The following IGSF21 variants were observed in gnomAD, a reference collection of about 807,000 sequenced individuals.
IGSF21 encodes the protein immunoglobulin superfamily member 21.
A neutral mutation model predicts 46.8 loss-of-function variants in IGSF21; 28 were observed. The observed-to-expected ratio is 0.60, with a 90% CI of 0.44 to 0.82. IGSF21 has a LOEUF of 0.82. Among genes scored for constraint, IGSF21 ranks in the 40% least tolerant of loss-of-function variants. The probability of loss-of-function intolerance (pLI) is 0.00; values close to 1 mark genes in which losing one functional copy is unlikely to be tolerated. For synonymous variants in IGSF21, 284 were observed against 273.6 expected (o/e 1.04, Z -0.38); for missense variants, 624 against 665.5 (o/e 0.94, Z 0.69).
intron 2 of IGSF21, among the ~76,000 whole-genome samples, chr1:18,261,286 GAGA>G (rs1247116461): frequency 6.6e-6 from 1 of 152,222 alleles, no homozygotes; most frequent in African/African-American, 2.4e-5. Context: ...AGAGGAGACA[GAGA>G]AGAAAAGCCA....
chr1:18,146,495 C>T (rs1021838077), intron 1 of IGSF21, among the ~76,000 whole-genome samples: 3 of 152,166 alleles, frequency 2.0e-5, no homozygotes, highest in Admixed American at 6.5e-5. Flanking sequence ...GGGATCACTG[C>T]TCCAACGCAG....
intron 1 of IGSF21, among the ~76,000 whole-genome samples, chr1:18,161,661 T>C (rs1406214025): frequency 6.6e-6 from 1 of 152,228 alleles, no homozygotes. Context: ...AGGAAAACTA[T>C]GAAACGGGGT....
At position 18,334,744 on chromosome 1, in the gene IGSF21, A is replaced by C; in HGVS notation, c.306-148A>C. The C allele has an allele frequency of 1.5e-6, 1 of 680,912 alleles. No homozygotes were observed. The highest frequency in any genetic ancestry group is 4.1e-4 in the Middle Eastern group (1 of 2,432). The allele number at this position is 680,912 out of a possible 1,614,324, so 42.2% of individuals were successfully genotyped here. A position where few individuals can be genotyped will look rare whatever the true frequency, so the allele number is the denominator to read the frequency against. Reference sequence around the variant, plus strand: ...AGGGTCTGCATACAGTCGGTGTTCCATAAATGCTCCCCTCCTCCCAGCCCA... The same window carrying C: ...AGGGTCTGCATACAGTCGGTGTTCCCTAAATGCTCCCCTCCTCCCAGCCCA... On this transcript the variant is annotated intron_variant, in intron 3 of 9. Coordinates refer to ENST00000251296, the MANE Select transcript of IGSF21 (RefSeq NM_032880.5). The surrounding 1 kb of genome is among the most constrained non-coding windows in gnomAD (Gnocchi z 4.3).
intron 2 of IGSF21, among the ~76,000 whole-genome samples, chr1:18,254,406 C>T (rs1335851383): frequency 6.6e-6 from 1 of 152,064 alleles, no homozygotes; most frequent in Non-Finnish European, 1.5e-5. Flanking sequence ...CTAGCTCCAT[C>T]CACACATTCA....
intron 3 of IGSF21, among the ~76,000 whole-genome samples, chr1:18,298,487 G>A (rs188556825): frequency 5.3e-5 from 8 of 152,222 alleles, no homozygotes; most frequent in Non-Finnish European, 1.2e-4. Flanking sequence ...CACATGCTGT[G>A]TCTTCCATTT....
chr1:18,362,615 G>T (rs1428991041), intron 5 of IGSF21, among the ~76,000 whole-genome samples: 1 of 152,158 alleles, frequency 6.6e-6, no homozygotes, highest in East Asian at 1.9e-4. Context: ...ACTCCTGACA[G>T]AGCTGGGTCT....
rs144286955 is a variant in IGSF21, at chr1:18,275,680, C to A, written c.184-16186C>A. Among the ~76,000 whole-genome samples the A allele has an allele frequency of 5.7e-3, 871 of 152,292 alleles. 4 individuals are homozygous for A. The highest frequency in any genetic ancestry group is 0.016 in the African/African-American group (664 of 41,560). ...TTCCATGCTAGGTGTCCGCTCAACC[C>A]CAACCCCTTAGATTCCTGGACTAAA... On this transcript the variant is annotated intron_variant, in intron 2 of 9. Transcript: ENST00000251296.
At chr1:18,283,339 G>A (rs1294449184) in intron 2 of IGSF21, among the ~76,000 whole-genome samples, 4 of 152,212 alleles carry the variant, frequency 2.6e-5, no homozygotes, top group African/African-American at 9.7e-5. Flanking sequence ...CCAGAGAGGT[G>A]AGTGGCACCT....
chr1:18,351,385 G>C (rs751155256), intron 4 of IGSF21, among the ~76,000 whole-genome samples: 1 of 152,172 alleles, frequency 6.6e-6, no homozygotes, highest in Non-Finnish European at 1.5e-5. Context: ...CTGTGACCTC[G>C]AGCCAGGTTT....
At chr1:18,201,760 C>T (rs1043108311) in intron 1 of IGSF21, among the ~76,000 whole-genome samples, 8 of 152,122 alleles carry the variant, frequency 5.3e-5, no homozygotes, top group Admixed American at 1.3e-4. Context: ...CATCCCATGC[C>T]GAAGATTTTG....
intron 2 of IGSF21, among the ~76,000 whole-genome samples, chr1:18,287,216 TAAATAA>T (rs747351381): frequency 0.01 from 1,450 of 139,006 alleles, 14 homozygotes; most frequent in Non-Finnish European, 0.017. Context: ...TAAATAAAAA[TAAATAA>T]AAATAAAAAT....
Position 18,365,108 on chromosome 1 carries a change from A to G in IGSF21, c.541-115A>G. Reference sequence around the variant, plus strand: ...AAGAGTGGGGTGAGGGCTACTGTCTAGACTACTATGCTCTGGAAGAACTGG... The same window carrying G: ...AAGAGTGGGGTGAGGGCTACTGTCTGGACTACTATGCTCTGGAAGAACTGG... On this transcript the variant is annotated intron_variant, in intron 5 of 9. Coordinates refer to ENST00000251296, the MANE Select transcript of IGSF21 (RefSeq NM_032880.5). The surrounding 1 kb of genome is among the most constrained non-coding windows in gnomAD (Gnocchi z 4.8). 1.3e-6 allele frequency: 1 copy of G among 774,384 alleles called. No homozygotes were observed. The highest frequency in any genetic ancestry group is 2.2e-6 in the Non-Finnish European group (1 of 461,368). 48.0% of individuals were successfully genotyped at this position (774,384 alleles called of 1,614,324 possible).
At chr1:18,356,110 C>G (rs149375503) in intron 4 of IGSF21, among the ~76,000 whole-genome samples, 1 of 152,196 alleles carries the variant, frequency 6.6e-6, no homozygotes. Flanking sequence ...CCTGGGATTA[C>G]GGGCATCAGC....
At chr1:18,127,835 G>C (rs899144008) in intron 1 of IGSF21, among the ~76,000 whole-genome samples, 1 of 152,128 alleles carries the variant, frequency 6.6e-6, no homozygotes, top group Non-Finnish European at 1.5e-5. Context: ...CTTGAACCCG[G>C]GAAGTCGAGG....
chr1:18,158,049 T>C (rs2086583728), intron 1 of IGSF21, among the ~76,000 whole-genome samples: 1 of 152,080 alleles, frequency 6.6e-6, no homozygotes, highest in South Asian at 2.1e-4. Flanking sequence ...ACTATGAAGG[T>C]CATATCTCCC....
chr1:18,340,690 T>G (rs1429860449), intron 4 of IGSF21, among the ~76,000 whole-genome samples: 1 of 152,162 alleles, frequency 6.6e-6, no homozygotes, highest in Non-Finnish European at 1.5e-5. Context: ...AATCAAGGTG[T>G]CAGTAGGGCC....
At chr1:18,229,809 A>G (rs1186352298) in intron 2 of IGSF21, among the ~76,000 whole-genome samples, 1 of 152,244 alleles carries the variant, frequency 6.6e-6, no homozygotes, top group Non-Finnish European at 1.5e-5. Flanking sequence ...GGCTGGGAGC[A>G]TCTCATTAGC....
At chr1:18,372,573 G>A (rs897718916) in intron 6 of IGSF21, among the ~76,000 whole-genome samples, 1 of 148,830 alleles carries the variant, frequency 6.7e-6, no homozygotes, top group African/African-American at 2.5e-5. Flanking sequence ...TGGATGGATG[G>A]ATATTTGGAT....
At chr1:18,339,688 G>T (rs2085808369) in intron 4 of IGSF21, among the ~76,000 whole-genome samples, 1 of 152,232 alleles carries the variant, frequency 6.6e-6, no homozygotes, top group Non-Finnish European at 1.5e-5. Context: ...TCACGCCACT[G>T]CTTTCTAGCC....
Sources: gnomAD v4.1 joint callset for allele counts (sites outside exome capture counted in the v4.1 genomes callset) on GRCh38, gnomAD v4.1.1 for gene constraint, Gnocchi (gnomAD v3.1) non-coding constraint, MANE v1.5 for transcripts, NCBI Gene and HGNC (gene_info 2026-07-23, HGNC 2026-07-21) for gene names.